HMGB1: variants seen among roughly 807,000 people sequenced by gnomAD.
The protein encoded by HMGB1 is high mobility group protein B1.
For synonymous variants in HMGB1, 81 were observed against 84.0 expected, an observed-to-expected ratio of 0.96 and a Z score of 0.19; for missense variants, 79 against 253.5, an observed-to-expected ratio of 0.31 and a Z score of 4.67.
intron 1 of HMGB1, chr13:30,465,051 G>A (rs906044947): frequency 6.8e-6 from 4 of 590,360 alleles, no homozygotes; most frequent in Non-Finnish European, 8.4e-6. Flanking sequence ...GCTGTGAAAA[G>A]AGAGAGGAAA....
chr13:30,537,892 T>C (rs1868530239), intron 1 of HMGB1, among the ~76,000 whole-genome samples: 2 of 151,968 alleles, frequency 1.3e-5, no homozygotes, highest in South Asian at 4.2e-4. Flanking sequence ...CTGGAATTAA[T>C]TCTTTCGTGA....
chr13:30,474,037 G>T (rs956091085), intron 1 of HMGB1, among the ~76,000 whole-genome samples: 1 of 152,114 alleles, frequency 6.6e-6, no homozygotes, highest in African/African-American at 2.4e-5. Flanking sequence ...TGGCTGCCAG[G>T]GTTTGGGGAA....
intron 1 of HMGB1, among the ~76,000 whole-genome samples, chr13:30,615,063 G>T (rs1566041710): frequency 6.6e-6 from 1 of 151,966 alleles, no homozygotes; most frequent in Non-Finnish European, 1.5e-5. Flanking sequence ...TTAACCTTAA[G>T]CCCTGAAACT....
chr13:30,465,201 C>A, intron 1 of HMGB1: 2 of 844,486 alleles, frequency 2.4e-6, no homozygotes, highest in Non-Finnish European at 2.8e-6. Context: ...CCGGCCGCCG[C>A]CGCCGCCGCG....
At chr13:30,538,480 TTCTTTC>T (rs1490959697) in intron 1 of HMGB1, among the ~76,000 whole-genome samples, 1 of 32,560 alleles carries the variant, frequency 3.1e-5, no homozygotes, top group African/African-American at 9.2e-5. Context: ...CTTTCTTTCT[TTCTTTC>T]TTTCTTTCTT....
intron 1 of HMGB1, among the ~76,000 whole-genome samples, chr13:30,490,411 G>A (rs1451322312): frequency 2.0e-5 from 3 of 152,072 alleles, no homozygotes; most frequent in Non-Finnish European, 2.9e-5. Flanking sequence ...CTTGGGGCTA[G>A]GAGTTTGAGA....
intron 1 of HMGB1, among the ~76,000 whole-genome samples, chr13:30,569,103 A>G (rs1413469279): frequency 6.6e-6 from 1 of 151,886 alleles, no homozygotes; most frequent in Non-Finnish European, 1.5e-5. Flanking sequence ...TGAACCCAGG[A>G]AGTGGAGGTT....
At chr13:30,575,566 C>T (rs1360902737) in intron 1 of HMGB1, among the ~76,000 whole-genome samples, 2 of 152,176 alleles carry the variant, frequency 1.3e-5, no homozygotes, top group Non-Finnish European at 2.9e-5. Context: ...TTAAGGGAGT[C>T]TCCGTGGCTG....
intron 1 of HMGB1, among the ~76,000 whole-genome samples, chr13:30,506,555 C>T (rs55978623): frequency 5.3e-5 from 8 of 152,282 alleles, no homozygotes; most frequent in Non-Finnish European, 1.2e-4. Context: ...TTCTGGCCAA[C>T]GTGTCCACCT....
chr13:30,548,789 G>A (rs1017924072), intron 1 of HMGB1, among the ~76,000 whole-genome samples: 3 of 152,178 alleles, frequency 2.0e-5, no homozygotes, highest in African/African-American at 7.2e-5. Context: ...GAGCTTTGCT[G>A]TGGGTTATGG....
intron 1 of HMGB1, chr13:30,616,551 T>G (rs772951124): frequency 6.6e-6 from 1 of 152,182 alleles, no homozygotes; most frequent in Non-Finnish European, 1.5e-5. Flanking sequence ...CAGGAGGAAG[T>G]ACTACTTTCT....
At chr13:30,577,484 T>A (rs898076052) in intron 1 of HMGB1, among the ~76,000 whole-genome samples, 2 of 152,202 alleles carry the variant, frequency 1.3e-5, no homozygotes, top group Non-Finnish European at 2.9e-5. Context: ...TGTGGTATTT[T>A]GCTGTGGCAG....
chr13:30,482,951 C>CT (rs1175390686), intron 1 of HMGB1, among the ~76,000 whole-genome samples: 6 of 107,088 alleles, frequency 5.6e-5, no homozygotes, highest in African/African-American at 1.8e-4. Context: ...CCAACACCAG[C>CT]TATTTTTTTT....
At chr13:30,572,022 T>C (rs1252854253) in intron 1 of HMGB1, among the ~76,000 whole-genome samples, 1 of 152,174 alleles carries the variant, frequency 6.6e-6, no homozygotes, top group African/African-American at 2.4e-5. Context: ...AGATATTACT[T>C]GGGAGCAAAT....
At position 30,488,074 on chromosome 13, in the gene HMGB1, G is replaced by A. The variant is rs897396764; in HGVS notation, c.-14-24380C>T. ...ACAATTTTTTTCTAATTAAAATTTC[G>A]TTACAAAACAATGATTTAAAATTGA... On this transcript the variant is annotated intron_variant, in intron 1 of 4. Coordinates refer to the HMGB1 transcript ENST00000405805. Among the ~76,000 whole-genome samples, 4 of 152,202 alleles carry A rather than the reference G, an allele frequency of 2.6e-5. No homozygotes were observed. In the South Asian group the frequency reaches 8.3e-4, roughly 32 times the overall value.
chr13:30,588,459 A>T (rs1871244428), intron 1 of HMGB1, among the ~76,000 whole-genome samples: 1 of 152,190 alleles, frequency 6.6e-6, no homozygotes, highest in African/African-American at 2.4e-5. Flanking sequence ...ACTGAGCGTG[A>T]AATGTTAATG....
At chr13:30,545,862 C>T (rs2137507093) in intron 1 of HMGB1, among the ~76,000 whole-genome samples, 1 of 152,158 alleles carries the variant, frequency 6.6e-6, no homozygotes, top group East Asian at 1.9e-4. Flanking sequence ...CCACCATGCC[C>T]AGCAAATTTT....
chr13:30,528,961 G>A (rs1364566830), intron 1 of HMGB1, among the ~76,000 whole-genome samples: 7 of 149,686 alleles, frequency 4.7e-5, no homozygotes, highest in African/African-American at 1.5e-4. Flanking sequence ...CCCGGGAGGC[G>A]GAGCTTGCAG....
chr13:30,500,536 ATTTTTT>A (rs60691018), intron 1 of HMGB1, among the ~76,000 whole-genome samples: 19 of 128,466 alleles, frequency 1.5e-4, no homozygotes, highest in Non-Finnish European at 1.8e-4. Flanking sequence ...CACCTGGCTA[ATTTTTT>A]TTTTTTTTTT....
Sources: gnomAD v4.1 joint callset for allele counts (sites outside exome capture counted in the v4.1 genomes callset) on GRCh38, gnomAD v4.1.1 for gene constraint, MANE v1.5 for transcripts, NCBI Gene and HGNC (gene_info 2026-07-23, HGNC 2026-07-21) for gene names.